Variants in AIDA observed in about 807,000 individuals in gnomAD.
AIDA encodes the protein axin interactor, dorsalization-associated protein.
Under a neutral mutation model 42.7 loss-of-function variants are expected in AIDA, and 18 were observed. The observed-to-expected ratio is 0.42, with a 90% confidence interval of 0.29 to 0.63. AIDA has a LOEUF of 0.63. Ranked by LOEUF, AIDA falls within the 20% of genes least tolerant of loss-of-function variation. AIDA has a pLI of 0.19. For synonymous variants in AIDA, 104 were observed against 122.9 expected (o/e 0.85, Z 1.02); for missense variants, 250 against 354.1 (o/e 0.71, Z 2.36).
intron 1 of AIDA, among the ~76,000 whole-genome samples, chr1:222,709,902 A>G (rs932735699): frequency 6.6e-6 from 1 of 152,190 alleles, no homozygotes; most frequent in African/African-American, 2.4e-5. Context: ...CTACAGTATT[A>G]TTACATTATG....
chr1:222,702,367 A>G (rs1655732638), intron 2 of AIDA, among the ~76,000 whole-genome samples: 1 of 152,196 alleles, frequency 6.6e-6, no homozygotes, highest in African/African-American at 2.4e-5. Flanking sequence ...GATGGGGAAT[A>G]GACTGACACT....
At chr1:222,700,972 G>GGC (rs1655676278) in intron 2 of AIDA, among the ~76,000 whole-genome samples, 4 of 34,384 alleles carry the variant, frequency 1.2e-4, no homozygotes, top group African/African-American at 3.9e-4. Context: ...GATTTTTTTT[G>GGC]GGGGGGGGGG....
chr1:222,712,212 G>A lies in AIDA; in HGVS notation c.106C>T (p.Gln36Ter), dbSNP rs760068942. Residue 36 changes from glutamine (Q) to a stop codon, truncating the protein, a stop_gained, in exon 1 of 10, where the codon CAG becomes TAG. Coordinates refer to ENST00000340020, the MANE Select transcript of AIDA (RefSeq NM_022831.4). LOFTEE classifies it high-confidence loss of function. ...GQLVEAIDEY[Q>*]ILARHLQKEA... The stretch of plus-strand genomic sequence containing the variant: ...CTCCCGCGGTTAGTCACTCACATCT[G>A]ATACTCGTCTATCGCCTCCACCAGC... 6.2e-7 allele frequency: 1 copy of A among 1,600,794 alleles called. No homozygotes were observed. Among genetic ancestry groups the A allele is most frequent in the East Asian group, 2.3e-5 (1 of 44,098 alleles).
intron 8 of AIDA, among the ~76,000 whole-genome samples, chr1:222,673,061 G>A (rs1390296486): frequency 6.6e-6 from 1 of 152,096 alleles, no homozygotes; most frequent in African/African-American, 2.4e-5. Flanking sequence ...GAAAAACTTT[G>A]TTTTGTTGGT....
intron 1 of AIDA, among the ~76,000 whole-genome samples, chr1:222,709,860 C>A (rs1166415554): frequency 6.6e-6 from 1 of 152,124 alleles, no homozygotes; most frequent in South Asian, 2.1e-4. Flanking sequence ...GTATCCCTAA[C>A]CCTTAGTTGT....
chr1:222,688,559 CATT>C (rs1459551054), intron 4 of AIDA, among the ~76,000 whole-genome samples: 1 of 151,420 alleles, frequency 6.6e-6, no homozygotes, highest in Non-Finnish European at 1.5e-5. Flanking sequence ...CATTTTTTGT[CATT>C]ATTTTAGAGT....
intron 4 of AIDA, among the ~76,000 whole-genome samples, chr1:222,691,931 T>A (rs1263073158): frequency 1.3e-5 from 2 of 152,218 alleles, no homozygotes; most frequent in African/African-American, 4.8e-5. Flanking sequence ...TATCAATGTT[T>A]TGAAAAGGAA....
At chr1:222,674,288 G>A (rs1664508231) in intron 7 of AIDA, among the ~76,000 whole-genome samples, 1 of 152,062 alleles carries the variant, frequency 6.6e-6, no homozygotes. Context: ...GCGGTGGGAA[G>A]GAGGAAACCT....
At chr1:222,679,183 G>A (rs1159681351) in intron 6 of AIDA, among the ~76,000 whole-genome samples, 1 of 151,814 alleles carries the variant, frequency 6.6e-6, no homozygotes, top group African/African-American at 2.4e-5. Flanking sequence ...ACCATTCCAG[G>A]GTTAGATGAA....
intron 4 of AIDA, among the ~76,000 whole-genome samples, chr1:222,689,475 G>GTGTGTA (rs1553294336): frequency 6.1e-5 from 2 of 32,776 alleles, no homozygotes; most frequent in African/African-American, 3.7e-4. Flanking sequence ...ATGTATGTGT[G>GTGTGTA]TGTGTGTATA....
chr1:222,674,527 C>T (rs1490457505), intron 7 of AIDA, among the ~76,000 whole-genome samples: 1 of 152,090 alleles, frequency 6.6e-6, no homozygotes. Flanking sequence ...ATCAGAATCC[C>T]CCTGCTGTAT....
chr1:222,712,466 C>G lies in AIDA; in HGVS notation c.-149G>C. 1 of 1,426,704 alleles carries G rather than the reference C, an allele frequency of 7.0e-7. No homozygotes were observed. The highest frequency in any genetic ancestry group is 9.1e-7 in the Non-Finnish European group (1 of 1,093,872). The allele number at this position is 1,426,704 out of a possible 1,614,324, so 88.4% of individuals were successfully genotyped here. On this transcript the variant is annotated 5_prime_UTR_variant, in exon 1 of 10. Coordinates refer to ENST00000340020, the MANE Select transcript of AIDA (RefSeq NM_022831.4). ...CCACCCGCCGAGGAGCCGCCCAAGC[C>G]CATTTGCCGCCACAGCCAAACTTTG...
intron 1 of AIDA, among the ~76,000 whole-genome samples, chr1:222,708,492 C>T (rs910794735): frequency 6.6e-6 from 1 of 151,728 alleles, no homozygotes; most frequent in Non-Finnish European, 1.5e-5. Flanking sequence ...CTCAGCCTCC[C>T]GAGCAGCTGG....
At chr1:222,712,057 G>T (rs1363708798) in intron 1 of AIDA, 151 bp downstream of exon 1, 10 of 1,208,752 alleles carry the variant, frequency 8.3e-6, no homozygotes, top group Non-Finnish European at 1.2e-5. Context: ...CCTCGCTGGG[G>T]CTGGTGGCGA....
intron 8 of AIDA, among the ~76,000 whole-genome samples, chr1:222,672,317 G>C (rs950745041): frequency 6.6e-6 from 1 of 152,088 alleles, no homozygotes; most frequent in African/African-American, 2.4e-5. Flanking sequence ...CTAAGGCAAT[G>C]GAGTTAAAGA....
intron 6 of AIDA, among the ~76,000 whole-genome samples, chr1:222,684,762 C>A (rs1397274657): frequency 6.6e-6 from 1 of 152,150 alleles, no homozygotes; most frequent in Non-Finnish European, 1.5e-5. Flanking sequence ...TCTTACATAG[C>A]AAATGGATTT....
intron 6 of AIDA, 139 bp downstream of exon 6, chr1:222,686,791 C>T: frequency 1.0e-6 from 1 of 971,922 alleles, no homozygotes; most frequent in Non-Finnish European, 1.5e-6. Flanking sequence ...GAAATAGCTA[C>T]TGCCAATAAA....
chr1:222,702,377 T>C (rs1332765441), intron 2 of AIDA, among the ~76,000 whole-genome samples: 1 of 151,148 alleles, frequency 6.6e-6, no homozygotes, highest in African/African-American at 2.4e-5. Context: ...AGACTGACAC[T>C]TTTTTTTTCA....
chr1:222,700,341 C>T (rs1655655108), intron 2 of AIDA, among the ~76,000 whole-genome samples: 1 of 152,200 alleles, frequency 6.6e-6, no homozygotes, highest in Non-Finnish European at 1.5e-5. Flanking sequence ...TCTAGTCCCT[C>T]ATTTCATACA....
Sources: gnomAD v4.1 joint callset for allele counts (sites outside exome capture counted in the v4.1 genomes callset) on GRCh38, gnomAD v4.1.1 for gene constraint, MANE v1.5 for transcripts, NCBI Gene and HGNC (gene_info 2026-07-23, HGNC 2026-07-21) for gene names.